The following NCKAP5 variants were observed in gnomAD, a reference collection of about 807,000 sequenced individuals.
The protein encoded by NCKAP5 is NCK associated protein 5.
Under a neutral mutation model 167.0 loss-of-function variants are expected in NCKAP5, and 92 were observed. The ratio of observed to expected loss-of-function variants is 0.55; its 90% confidence interval spans 0.47 to 0.66. The LOEUF (loss-of-function observed/expected upper bound fraction) is 0.66, where lower values mean the gene tolerates loss of function less well. NCKAP5 is among the 30% of genes least tolerant of loss of function. The pLI is 0.00. For missense variants in NCKAP5, 2,378 were observed against 2,315.0 expected (o/e 1.03, Z -0.56); for synonymous variants, 891 against 877.4 (o/e 1.02, Z -0.27).
At chr2:133,418,811 G>T (rs762112062) in intron 3 of NCKAP5, among the ~76,000 whole-genome samples, 22 of 152,116 alleles carry the variant, frequency 1.4e-4, no homozygotes, top group Non-Finnish European at 7.4e-5. Flanking sequence ...CAGTCTTAAA[G>T]AACTTTTGAA....
the NCKAP5 span, among the ~76,000 whole-genome samples, chr2:133,603,530 T>C: frequency 6.8e-6 from 1 of 146,198 alleles, no homozygotes; most frequent in African/African-American, 2.5e-5. Flanking sequence ...CAGCCCGGCA[T>C]CAGGGATTTT....
intron 7 of NCKAP5, among the ~76,000 whole-genome samples, chr2:132,979,092 C>T (rs975963551): frequency 6.6e-6 from 1 of 152,184 alleles, no homozygotes; most frequent in Non-Finnish European, 1.5e-5. Flanking sequence ...CAAGCTTCCA[C>T]TGAATTTCCA....
intron 3 of NCKAP5, among the ~76,000 whole-genome samples, chr2:133,489,956 A>T (rs76167226): frequency 0.026 from 4,000 of 152,272 alleles, 66 homozygotes; most frequent in Non-Finnish European, 0.038. Flanking sequence ...TGGGCTCTAA[A>T]GGGGAGATTT....
At chr2:132,837,009 C>T (rs146293379) in intron 11 of NCKAP5, among the ~76,000 whole-genome samples, 25 of 152,306 alleles carry the variant, frequency 1.6e-4, no homozygotes, top group Admixed American at 1.3e-3. Flanking sequence ...TGGAACATAT[C>T]TTTAGTCTAT....
the NCKAP5 span, among the ~76,000 whole-genome samples, chr2:133,618,001 A>G: frequency 6.6e-6 from 1 of 152,114 alleles, no homozygotes; most frequent in African/African-American, 2.4e-5. Flanking sequence ...ATAATGCCCC[A>G]TATCTACAAC....
chr2:133,022,663 C>T (rs1440284138), intron 6 of NCKAP5, among the ~76,000 whole-genome samples: 4 of 152,186 alleles, frequency 2.6e-5, no homozygotes, highest in Non-Finnish European at 5.9e-5. Context: ...CTGTAAGCTG[C>T]CTAAATGCCC....
At chr2:133,652,646 C>G in the NCKAP5 span, among the ~76,000 whole-genome samples, 1 of 152,342 alleles carries the variant, frequency 6.6e-6, no homozygotes, top group African/African-American at 2.4e-5. Flanking sequence ...CAGTTTCTCT[C>G]TGGCCAAAGA....
At chr2:133,128,790 G>C (rs2082489437) in intron 6 of NCKAP5, among the ~76,000 whole-genome samples, 1 of 152,028 alleles carries the variant, frequency 6.6e-6, no homozygotes, top group South Asian at 2.1e-4. Context: ...TAGAGATGAG[G>C]CTTTGCCATG....
rs182723393 is a variant in NCKAP5, at chr2:133,180,684, A to G, written c.207+33032T>C. ...CTAAATAAAAACAGAAATGATAAAG[A>G]AGTAACCAACTCAAAACAGATTAAA... On this transcript the variant is annotated intron_variant, in intron 5 of 19. Coordinates refer to ENST00000409261, the MANE Select transcript of NCKAP5 (RefSeq NM_207363.3). Among the ~76,000 whole-genome samples, 26 of 152,292 alleles carry G rather than the reference A, an allele frequency of 1.7e-4. 2 individuals carry two copies. In the South Asian group the frequency reaches 4.1e-3, roughly 24 times the overall value.
At chr2:133,281,843 A>C (rs2089947254) in intron 4 of NCKAP5, among the ~76,000 whole-genome samples, 1 of 152,182 alleles carries the variant, frequency 6.6e-6, no homozygotes, top group Non-Finnish European at 1.5e-5. Flanking sequence ...CCAGCTTTAG[A>C]GAAACCACCA....
chr2:132,676,397 A>G (rs1419379813), intron 19 of NCKAP5, among the ~76,000 whole-genome samples: 3 of 139,858 alleles, frequency 2.1e-5, no homozygotes, highest in Non-Finnish European at 4.5e-5. Flanking sequence ...CTACATCATC[A>G]GTAGTTTCTC....
At chr2:132,804,435 G>A (rs570751362) in intron 11 of NCKAP5, among the ~76,000 whole-genome samples, 1 of 152,180 alleles carries the variant, frequency 6.6e-6, no homozygotes, top group African/African-American at 2.4e-5. Context: ...TATCTACACT[G>A]CATTTTACAT....
intron 3 of NCKAP5, among the ~76,000 whole-genome samples, chr2:133,315,833 G>A (rs928533851): frequency 6.6e-6 from 1 of 152,150 alleles, no homozygotes; most frequent in African/African-American, 2.4e-5. Flanking sequence ...ACCTCACTTG[G>A]GGTAGAGGTT....
chr2:133,437,304 G>T (rs1281503425), intron 3 of NCKAP5, among the ~76,000 whole-genome samples: 2 of 151,596 alleles, frequency 1.3e-5, no homozygotes, highest in African/African-American at 2.4e-5. Flanking sequence ...AGTGAGCCGA[G>T]ATCGTGCCAT....
chr2:133,246,406 C>T (rs745471675), intron 4 of NCKAP5, among the ~76,000 whole-genome samples: 2 of 152,100 alleles, frequency 1.3e-5, no homozygotes, highest in Non-Finnish European at 2.9e-5. Flanking sequence ...AGTAAAATCG[C>T]TATAATGTAT....
chr2:133,641,384 C>T, the NCKAP5 span, among the ~76,000 whole-genome samples: 1 of 152,230 alleles, frequency 6.6e-6, no homozygotes, highest in Non-Finnish European at 1.5e-5. Flanking sequence ...TGGCTTCTTC[C>T]TCTGCAGCAT....
chr2:132,886,318 CT>C (rs1441499349), intron 8 of NCKAP5, among the ~76,000 whole-genome samples: 7 of 152,228 alleles, frequency 4.6e-5, no homozygotes, highest in Non-Finnish European at 1.0e-4. Flanking sequence ...TTTAAAAACA[CT>C]TGAGAGTAAG....
chr2:132,759,184 T>G (rs974895606), intron 16 of NCKAP5, among the ~76,000 whole-genome samples: 1 of 152,218 alleles, frequency 6.6e-6, no homozygotes, highest in African/African-American at 2.4e-5. Flanking sequence ...CTGAAGTTCA[T>G]TAATTTTCAC....
At chr2:133,614,580 G>A in the NCKAP5 span, among the ~76,000 whole-genome samples, 16 of 152,190 alleles carry the variant, frequency 1.1e-4, no homozygotes, top group African/African-American at 3.4e-4. Context: ...GAAATGAAGC[G>A]AGAAGGGAAG....
Sources: gnomAD v4.1 joint callset for allele counts (sites outside exome capture counted in the v4.1 genomes callset) on GRCh38, gnomAD v4.1.1 for gene constraint, MANE v1.5 for transcripts, NCBI Gene and HGNC (gene_info 2026-07-23, HGNC 2026-07-21) for gene names.